Variants in HCRTR2 observed in about 807,000 individuals in gnomAD.
HCRTR2 encodes hypocretin receptor 2, also known as orexin receptor type 2.
A neutral mutation model predicts 49.0 loss-of-function variants in HCRTR2; 22 were observed. That is an observed-to-expected ratio of 0.45 (90% CI 0.32 to 0.64). The LOEUF is 0.64. Among genes scored for constraint, HCRTR2 ranks in the 30% least tolerant of loss-of-function variants. The probability of loss-of-function intolerance (pLI) is 0.04; values close to 1 mark genes in which losing one functional copy is unlikely to be tolerated. For missense variants in HCRTR2, 491 were observed against 559.4 expected (o/e 0.88, Z 1.23); for synonymous variants, 236 against 205.3 (o/e 1.15, Z -1.28).
At position 55,277,459 on chromosome 6, in the gene HCRTR2, C is replaced by G. The variant is rs1217261503; in HGVS notation, c.842C>G (p.Pro281Arg). 1.2e-6 allele frequency: 2 copies of G among 1,613,964 alleles called. No individual in the cohort carries two copies. Among genetic ancestry groups the G allele is most frequent in the Admixed American group, 3.3e-5 (2 of 59,972 alleles). ...TCACAGCCTCGAGGGCCAGGACAGC[C>G]AACGAAGTCCCGGATGAGCGCTGTG... ...PVSQPRGPGQPTKSRMSAVAA... is the reference protein window; with the variant it reads ...PVSQPRGPGQRTKSRMSAVAA... The change falls in exon 5 of 7, where the codon CCA (proline) becomes CGA (arginine). Residue 281 changes from proline (P) to arginine (R), a missense_variant. Physicochemically the swap from Pro to Arg is moderately radical, Grantham distance 103. Coordinates refer to ENST00000370862, the MANE Select transcript of HCRTR2 (RefSeq NM_001384272.1).
At position 55,120,669 on chromosome 6, in the gene HCRTR2, T is replaced by G. The variant is rs1364855752; in HGVS notation, c.-378+14124T>G. ...GATTTGGAGCTGAGATGATAGGGTT[T>G]TCTAAATATACAATCATGTCATCTG... On this transcript the variant is annotated intron_variant, in intron 1 of 7. Transcript: ENST00000615358. Among the ~76,000 whole-genome samples, 5 of 151,530 alleles carry G rather than the reference T, an allele frequency of 3.3e-5. 1 individual carries two copies. Among genetic ancestry groups the G allele is most frequent in the African/African-American group, 1.2e-4 (5 of 40,874 alleles).
chr6:55,153,849 C>A (rs1452440684), intron 1 of HCRTR2, among the ~76,000 whole-genome samples: 3 of 151,572 alleles, frequency 2.0e-5, no homozygotes, highest in African/African-American at 7.3e-5. Context: ...GTGGACAAAA[C>A]TACAATGTAC....
At chr6:55,257,025 T>C (rs1415110730) in intron 3 of HCRTR2, among the ~76,000 whole-genome samples, 1 of 152,072 alleles carries the variant, frequency 6.6e-6, no homozygotes, top group Non-Finnish European at 1.5e-5. Context: ...ACATTAAAGA[T>C]AAGCAAAAAT....
chr6:55,202,256 T>A (rs976650711), intron 1 of HCRTR2, among the ~76,000 whole-genome samples: 8 of 152,184 alleles, frequency 5.3e-5, no homozygotes, highest in African/African-American at 1.9e-4. Flanking sequence ...CATATATTTG[T>A]TTTGTCTCTT....
At chr6:55,153,256 T>C (rs887261358) in intron 1 of HCRTR2, among the ~76,000 whole-genome samples, 3 of 152,024 alleles carry the variant, frequency 2.0e-5, no homozygotes, top group African/African-American at 7.2e-5. Flanking sequence ...AGGGATACAT[T>C]CTGAGAAATG....
chr6:55,276,820 C>T (rs1176606223), intron 4 of HCRTR2, among the ~76,000 whole-genome samples: 2 of 152,116 alleles, frequency 1.3e-5, no homozygotes, highest in Non-Finnish European at 2.9e-5. Flanking sequence ...AAATAGTGAA[C>T]AACAAAAAAT....
chr6:55,244,976 T>A (rs907871263), intron 1 of HCRTR2, among the ~76,000 whole-genome samples: 4 of 152,094 alleles, frequency 2.6e-5, no homozygotes, highest in African/African-American at 9.6e-5. Context: ...CCTGTAGGTA[T>A]GTGGTTTTAT....
chr6:55,129,922 G>A (rs746770896), intron 1 of HCRTR2, among the ~76,000 whole-genome samples: 6 of 151,674 alleles, frequency 4.0e-5, no homozygotes, highest in South Asian at 2.1e-4. Context: ...TTCTATTTCC[G>A]CTGCTTTTCC....
chr6:55,109,182 A>G (rs1014987050), intron 1 of HCRTR2, among the ~76,000 whole-genome samples: 1 of 152,166 alleles, frequency 6.6e-6, no homozygotes, highest in Non-Finnish European at 1.5e-5. Flanking sequence ...CCCCATTCCT[A>G]GGGGAAGAGG....
intron 1 of HCRTR2, among the ~76,000 whole-genome samples, chr6:55,233,614 T>C (rs567402234): frequency 5.9e-5 from 9 of 152,076 alleles, no homozygotes; most frequent in Non-Finnish European, 1.0e-4. Context: ...GAAGGATTAC[T>C]TGAGTACAGA....
intron 1 of HCRTR2, among the ~76,000 whole-genome samples, chr6:55,132,605 G>T (rs1289419218): frequency 6.6e-6 from 1 of 151,800 alleles, no homozygotes; most frequent in African/African-American, 2.4e-5. Context: ...GTTATTCAAA[G>T]ATGAGCTACC....
chr6:55,130,332 C>A (rs1764337418), intron 1 of HCRTR2, among the ~76,000 whole-genome samples: 1 of 151,758 alleles, frequency 6.6e-6, no homozygotes, highest in South Asian at 2.1e-4. Flanking sequence ...AATGTTACCA[C>A]AATGTAGTAA....
chr6:55,151,013 A>C, intron 1 of HCRTR2, among the ~76,000 whole-genome samples: 1 of 152,190 alleles, frequency 6.6e-6, no homozygotes, highest in Non-Finnish European at 1.5e-5. Context: ...TATATCTAAA[A>C]ATTAAATACC....
At chr6:55,272,385 T>C (rs1207432602) in intron 4 of HCRTR2, among the ~76,000 whole-genome samples, 1 of 152,068 alleles carries the variant, frequency 6.6e-6, no homozygotes, top group Non-Finnish European at 1.5e-5. Flanking sequence ...TGCTAATGGA[T>C]TTGGAGCCTC....
intron 1 of HCRTR2, among the ~76,000 whole-genome samples, chr6:55,126,217 A>T (rs1764274049): frequency 6.6e-6 from 1 of 152,072 alleles, no homozygotes; most frequent in African/African-American, 2.4e-5. Flanking sequence ...TGGAATTTTC[A>T]GCCTTTTTTG....
intron 1 of HCRTR2, among the ~76,000 whole-genome samples, chr6:55,165,176 T>C (rs1050249454): frequency 6.6e-6 from 1 of 151,360 alleles, no homozygotes; most frequent in African/African-American, 2.4e-5. Flanking sequence ...ATCTAGAAAA[T>C]AGCCTCAAAA....
rs990249035 is a variant in HCRTR2, at chr6:55,108,289, TG to T, written c.-378+1747del. On this transcript the variant is annotated intron_variant, in intron 1 of 7. Transcript: ENST00000615358. ...GCTCCCACTCGGATGGACAGAACAG[TG>T]GGTGGAGACTCACATTATGAGCTTT... is the stretch of plus-strand genomic sequence containing the variant. Among the ~76,000 whole-genome samples, 9 of 152,076 alleles carry T rather than the reference TG, an allele frequency of 5.9e-5. No homozygotes were observed. In the East Asian group the frequency reaches 1.8e-3, roughly 30 times the overall value.
intron 1 of HCRTR2, among the ~76,000 whole-genome samples, chr6:55,194,780 C>T (rs1765380516): frequency 6.6e-6 from 1 of 151,622 alleles, no homozygotes; most frequent in Admixed American, 6.6e-5. Flanking sequence ...GGAAGTATGA[C>T]CATTGGGAGA....
intron 1 of HCRTR2, among the ~76,000 whole-genome samples, chr6:55,185,456 T>C (rs1250263616): frequency 6.6e-6 from 1 of 152,122 alleles, no homozygotes; most frequent in Non-Finnish European, 1.5e-5. Flanking sequence ...CCAAATCATC[T>C]TAGAGAAAAG....
Sources: allele counts gnomAD v4.1 joint callset (sites outside exome capture counted in the v4.1 genomes callset), GRCh38; gene constraint gnomAD v4.1.1; transcripts MANE v1.5; gene names NCBI Gene and HGNC (gene_info 2026-07-23, HGNC 2026-07-21).